The following ASTN2 variants were observed in gnomAD, a reference collection of about 807,000 sequenced individuals.
ASTN2 encodes the protein astrotactin-2.
A neutral mutation model predicts 139.8 loss-of-function variants in ASTN2; 54 were observed. That is an observed-to-expected ratio of 0.39 (90% confidence interval 0.31 to 0.48). The LOEUF is 0.48. ASTN2 is among the 20% of genes least tolerant of loss of function. The pLI is 0.95. For synonymous variants in ASTN2, 756 were observed against 719.5 expected, an observed-to-expected ratio of 1.05 and a Z score of -0.81; for missense variants, 1,565 against 1,725.1, an observed-to-expected ratio of 0.91 and a Z score of 1.64.
chr9:116,537,795 T>C (rs1444708975), intron 19 of ASTN2, among the ~76,000 whole-genome samples: 2 of 152,062 alleles, frequency 1.3e-5, no homozygotes, highest in Admixed American at 6.5e-5. Flanking sequence ...CCTCTAGAGA[T>C]AGGTACTAAG....
At chr9:117,013,270 CA>C (rs1314004600) in intron 6 of ASTN2, among the ~76,000 whole-genome samples, 3 of 152,056 alleles carry the variant, frequency 2.0e-5, no homozygotes, top group Non-Finnish European at 4.4e-5. Flanking sequence ...GGCACTATTC[CA>C]TGTGTCTCAT....
chr9:116,663,212 G>T (rs901849208), intron 16 of ASTN2, among the ~76,000 whole-genome samples: 3 of 152,190 alleles, frequency 2.0e-5, no homozygotes, highest in South Asian at 4.1e-4. Flanking sequence ...CTAATGACCT[G>T]CTTTAGATAA....
At chr9:117,410,811 T>C (rs1831137773) in intron 1 of ASTN2, among the ~76,000 whole-genome samples, 1 of 152,156 alleles carries the variant, frequency 6.6e-6, no homozygotes, top group Non-Finnish European at 1.5e-5. Context: ...CACCAATAAA[T>C]AAAATGCCCT....
At chr9:116,838,124 T>TTTG (rs1374431139) in intron 11 of ASTN2, among the ~76,000 whole-genome samples, 20 of 149,384 alleles carry the variant, frequency 1.3e-4, no homozygotes, top group South Asian at 4.3e-4. Context: ...TTGTTTTGTT[T>TTTG]TTTGAGACAG....
intron 5 of ASTN2, among the ~76,000 whole-genome samples, chr9:117,090,380 T>C (rs1429720487): frequency 6.6e-6 from 1 of 152,172 alleles, no homozygotes. Context: ...CCACTCTCCA[T>C]ATTGATGGCT....
intron 10 of ASTN2, among the ~76,000 whole-genome samples, chr9:116,888,191 C>T (rs151279242): frequency 0.013 from 2,019 of 152,056 alleles, 19 homozygotes; most frequent in Non-Finnish European, 0.018. Context: ...TCGCTTGATC[C>T]TGGGAGGGTC....
chr9:116,722,779 C>T (rs999566875), intron 16 of ASTN2, among the ~76,000 whole-genome samples: 3 of 152,020 alleles, frequency 2.0e-5, no homozygotes, highest in East Asian at 1.9e-4. Flanking sequence ...CCTACTCTAC[C>T]GAGTTTGACC....
intron 2 of ASTN2, among the ~76,000 whole-genome samples, chr9:117,247,801 TC>T (rs1833426030): frequency 6.6e-6 from 1 of 152,168 alleles, no homozygotes; most frequent in Non-Finnish European, 1.5e-5. Flanking sequence ...CAGCTCCTTT[TC>T]CTAGAGGTGC....
chr9:116,471,560 A>C (rs569424681), intron 20 of ASTN2, among the ~76,000 whole-genome samples: 1 of 152,004 alleles, frequency 6.6e-6, no homozygotes, highest in South Asian at 2.1e-4. Context: ...CATTTCTGGC[A>C]TCCCGGGGAA....
At chr9:117,088,301 C>T (rs760583387) in intron 5 of ASTN2, among the ~76,000 whole-genome samples, 40 of 152,164 alleles carry the variant, frequency 2.6e-4, no homozygotes, top group Non-Finnish European at 5.1e-4. Flanking sequence ...CAGTGTACCA[C>T]GTACCATCCG....
intron 16 of ASTN2, among the ~76,000 whole-genome samples, chr9:116,721,288 C>A (rs1317525928): frequency 2.0e-5 from 3 of 152,206 alleles, no homozygotes; most frequent in African/African-American, 4.8e-5. Context: ...ATTGTAAAAC[C>A]TGTGCTTTAT....
rs1860990150 is a variant in ASTN2, at chr9:116,698,366, C to G, written c.2806+27405G>C. On this transcript the variant is annotated intron_variant, in intron 16 of 22. Coordinates refer to ENST00000313400, the MANE Select transcript of ASTN2 (RefSeq NM_001365068.1). This position sits in a 1 kb window ranked among gnomAD's most constrained non-coding sequence, Gnocchi z 4.4. The stretch of plus-strand genomic sequence containing the variant: ...CTCGCTCTCGGAAGTTCTTCACAGG[C>G]TCTTTGGCTGAAGTTGAGAAGTCCA... The G allele has an allele frequency of 1.2e-6, 2 of 1,614,008 alleles. No individual in the cohort carries two copies.
At chr9:116,836,912 G>T (rs1303679003) in intron 11 of ASTN2, among the ~76,000 whole-genome samples, 1 of 151,570 alleles carries the variant, frequency 6.6e-6, no homozygotes, top group Non-Finnish European at 1.5e-5. Flanking sequence ...AAAAGAACAT[G>T]AGACAAAAAA....
At chr9:116,863,792 AT>A (rs1007136142) in intron 10 of ASTN2, 59 bp from the exon 11 acceptor site, 10 of 1,490,540 alleles carry the variant, frequency 6.7e-6, no homozygotes, top group African/African-American at 4.2e-5. Context: ...GATTAAAAAA[AT>A]AATAATGTGA....
chr9:116,594,201 C>T lies in ASTN2; in HGVS notation c.3355+24123G>A, dbSNP rs114573386. 9.4e-3 allele frequency among the ~76,000 whole-genome samples: 1,427 copies of T among 152,318 alleles called. 23 individuals carry two copies. Among genetic ancestry groups the T allele is most frequent in the African/African-American group, 0.033 (1,382 of 41,574 alleles). ...AGAGCCTCAATACATCAATAGTAAT[C>T]TTGTGAACACATCCCTGTACTGGCT... On this transcript the variant is annotated intron_variant, in intron 19 of 22. Transcript: ENST00000313400.
intron 10 of ASTN2, among the ~76,000 whole-genome samples, chr9:116,921,047 C>T (rs1460718059): frequency 1.3e-5 from 2 of 152,160 alleles, no homozygotes; most frequent in Non-Finnish European, 2.9e-5. Context: ...GCCACATCTG[C>T]TTCTGGGGAG....
intron 11 of ASTN2, among the ~76,000 whole-genome samples, chr9:116,841,813 G>T (rs1484037564): frequency 6.6e-6 from 1 of 152,216 alleles, no homozygotes. Context: ...AATGCTAACT[G>T]CTATTGTAGT....
intron 10 of ASTN2, among the ~76,000 whole-genome samples, chr9:116,954,290 T>C (rs961452337): frequency 6.6e-6 from 1 of 152,240 alleles, no homozygotes; most frequent in African/African-American, 2.4e-5. Context: ...AGTTCTCAGC[T>C]ACTTAGTTAT....
chr9:116,616,780 G>A (rs1588088877), intron 19 of ASTN2, among the ~76,000 whole-genome samples: 1 of 149,582 alleles, frequency 6.7e-6, no homozygotes, highest in Non-Finnish European at 1.5e-5. Flanking sequence ...GAAGGACAAA[G>A]ACACACACAC....
Sources: allele counts gnomAD v4.1 joint callset (sites outside exome capture counted in the v4.1 genomes callset), GRCh38; gene constraint gnomAD v4.1.1; non-coding constraint Gnocchi (gnomAD v3.1); transcripts MANE v1.5; gene names NCBI Gene and HGNC (gene_info 2026-07-23, HGNC 2026-07-21).